The following CRHR2 variants were observed in gnomAD, a reference collection of about 807,000 sequenced individuals.
The protein encoded by CRHR2 is corticotropin-releasing hormone receptor 2.
A neutral mutation model predicts 57.9 loss-of-function variants in CRHR2; 53 were observed. The ratio of observed to expected loss-of-function variants is 0.92; its 90% CI spans 0.73 to 1.15. The LOEUF is 1.15. Ranked by LOEUF, CRHR2 falls within the 50% of genes most tolerant of loss-of-function variation. The pLI is 0.00. For synonymous variants in CRHR2, 213 were observed against 220.9 expected (o/e 0.96, Z 0.32); for missense variants, 532 against 542.6 (o/e 0.98, Z 0.19).
In CRHR2 at chr7:30,682,301, G is replaced by C. The variant is rs949159774; in HGVS notation, c.-21C>G. 1 of 1,545,498 alleles carries C rather than the reference G, an allele frequency of 6.5e-7. No individual in the cohort carries two copies. Among genetic ancestry groups the C allele is most frequent in the Admixed American group, 1.9e-5 (1 of 53,498 alleles). On this transcript the variant is annotated 5_prime_UTR_variant, in exon 1 of 12. Coordinates refer to ENST00000471646, the MANE Select transcript of CRHR2 (RefSeq NM_001883.5). ...TCCATCGCGTCCCGCAGCCGCGTGC[G>C]GAGAGGGAGTGGGAGTGCGCGCCCG...
In CRHR2 at chr7:30,660,422, C is replaced by T. The variant is rs969133056; in HGVS notation, c.831+151G>A. The T allele has an allele frequency of 6.7e-6, 5 of 744,512 alleles. No individual in the cohort carries two copies. The East Asian group carries it at 1.1e-4, about 16-fold the overall frequency. The allele number at this position is 744,512 out of a possible 1,614,324, so 46.1% of individuals were successfully genotyped here. A position where few individuals can be genotyped will look rare whatever the true frequency, so the allele number is the denominator to read the frequency against. Reference sequence around the variant, plus strand: ...AAGGGAAGGCCGGGTGGTGCTGGGGCACAGGGTGGCATGGACAGGGTACGG... The same window carrying T: ...AAGGGAAGGCCGGGTGGTGCTGGGGTACAGGGTGGCATGGACAGGGTACGG... On this transcript the variant is annotated intron_variant, in intron 8 of 11. Transcript: ENST00000471646.
In CRHR2 at chr7:30,682,256, G is replaced by A; in HGVS notation, c.25C>T (p.Leu9=). Residue 9 remains leucine (L), a synonymous_variant, in exon 1 of 12, where the codon CTG becomes TTG. Coordinates refer to ENST00000471646, the MANE Select transcript of CRHR2 (RefSeq NM_001883.5). ...GCCAGGCTGCAGTTGGCCTCCAGCA[G>A]GCTGTGGAGCAGTGCCGCGTCCATC... MDAALLHS[L]LEANCSLALA... is the part of the protein sequence containing the mutation. The A allele has an allele frequency of 3.2e-6, 5 of 1,586,866 alleles. No individual in the cohort carries two copies. Among genetic ancestry groups the A allele is most frequent in the Non-Finnish European group, 4.3e-6 (5 of 1,173,522 alleles).
chr7:30,657,900 C>G (rs1276509215), intron 8 of CRHR2, among the ~76,000 whole-genome samples: 1 of 152,194 alleles, frequency 6.6e-6, no homozygotes, highest in Non-Finnish European at 1.5e-5. Context: ...ACCCATCCAT[C>G]TACCCATCCA....
Position 30,653,750 on chromosome 7 carries a change from T to C in CRHR2, c.1096-150A>G, listed in dbSNP as rs573398124. On this transcript the variant is annotated intron_variant, in intron 11 of 11. Coordinates refer to ENST00000471646, the MANE Select transcript of CRHR2 (RefSeq NM_001883.5). The surrounding 1 kb of genome is among the most constrained non-coding windows in gnomAD (Gnocchi z 5.0). ...TCCAAAACAGGTCCTTCCCTGATGCTGTTGCCTCTCTCCAGGGGCCTCTTC... is the reference window on the plus strand; with the variant it reads ...TCCAAAACAGGTCCTTCCCTGATGCCGTTGCCTCTCTCCAGGGGCCTCTTC... 1 of 938,454 alleles carries C rather than the reference T, an allele frequency of 1.1e-6. No individual in the cohort carries two copies. Among genetic ancestry groups the C allele is most frequent in the Admixed American group, 3.0e-5 (1 of 33,088 alleles). The allele number at this position is 938,454 out of a possible 1,614,324, so 58.1% of individuals were successfully genotyped here.
chr7:30,684,431 A>G (rs1390076371), upstream of CRHR2, among the ~76,000 whole-genome samples: 4 of 152,192 alleles, frequency 2.6e-5, no homozygotes, highest in Admixed American at 6.5e-5. Flanking sequence ...TGCCTAAAGC[A>G]CCTATAGATG....
intron 2 of CRHR2, chr7:30,688,788 C>T (rs978712290): frequency 4.8e-5 from 22 of 457,806 alleles, no homozygotes; most frequent in Admixed American, 1.6e-4. Context: ...AACTCAGGGC[C>T]GGGCTGCTGC....
chr7:30,691,819 G>A (rs1562811850), intron 1 of CRHR2, among the ~76,000 whole-genome samples: 1 of 152,204 alleles, frequency 6.6e-6, no homozygotes, highest in African/African-American at 2.4e-5. Flanking sequence ...TACCATGCAG[G>A]TGTCAATTTT....
chr7:30,662,924 C>T (rs980945813), intron 5 of CRHR2, 77 bp from the exon 6 acceptor site: 1 of 1,544,454 alleles, frequency 6.5e-7, no homozygotes, highest in Non-Finnish European at 8.8e-7. Context: ...GGCAGGGCAA[C>T]AAGACACAGG....
chr7:30,656,117 C>G lies in CRHR2; in HGVS notation c.832-105G>C. ...CCGCAGACCCCTGGAAACCGATGTC[C>G]CACGCACACACCTATCCTACCTGTC... On this transcript the variant is annotated intron_variant, in intron 8 of 11. Coordinates refer to ENST00000471646, the MANE Select transcript of CRHR2 (RefSeq NM_001883.5). This position sits in a 1 kb window ranked among gnomAD's most constrained non-coding sequence, Gnocchi z 4.4. 1.0e-6 allele frequency: 1 copy of G among 995,104 alleles called. No individual in the cohort carries two copies. Among genetic ancestry groups the G allele is most frequent in the Non-Finnish European group, 1.6e-6 (1 of 638,866 alleles). 61.6% of individuals were successfully genotyped at this position (995,104 alleles called of 1,614,324 possible).
At chr7:30,671,968 G>C (rs1377388362) in intron 2 of CRHR2, among the ~76,000 whole-genome samples, 16 of 152,158 alleles carry the variant, frequency 1.1e-4, no homozygotes, top group Admixed American at 1.0e-3. Context: ...GGTGGGGAGG[G>C]CCAGAAGCAA....
chr7:30,689,209 T>A, exon 2 of CRHR2: 1 of 1,550,036 alleles, frequency 6.5e-7, no homozygotes, highest in Middle Eastern at 1.7e-4. Context: ...TTGGTGAGGG[T>A]CATGATGGTG....
At chr7:30,680,519 T>C (rs1397636018) in intron 2 of CRHR2, among the ~76,000 whole-genome samples, 1 of 152,150 alleles carries the variant, frequency 6.6e-6, no homozygotes, top group Non-Finnish European at 1.5e-5. Context: ...GGCATGCTGA[T>C]CTCCATTGCC....
rs763883511 is a variant in CRHR2 at position 30,662,142 on chromosome 7, G to T, written c.758+14C>A. ...CCTTCCCCATGACCCCCCATGGCTG[G>T]CCCATCCACTTACTGTTCATTCTCA... On this transcript the variant is annotated intron_variant, in intron 7 of 11. Transcript: ENST00000471646. 43 of 1,613,720 alleles carry T rather than the reference G, an allele frequency of 2.7e-5. No individual in the cohort carries two copies. The East Asian group carries it at 3.1e-4, about 12-fold the overall frequency.
At chr7:30,662,597 C>A in intron 6 of CRHR2, 97 bp downstream of exon 6, 1 of 1,454,640 alleles carries the variant, frequency 6.9e-7, no homozygotes. Context: ...GGGTGGAGGG[C>A]AGGGCCAGGC....
chr7:30,672,932 C>T (rs1048340218), intron 2 of CRHR2, among the ~76,000 whole-genome samples: 5 of 152,230 alleles, frequency 3.3e-5, no homozygotes, highest in Non-Finnish European at 5.9e-5. Flanking sequence ...CCTTGGGACA[C>T]GCTTCCTCAC....
chr7:30,665,264 G>T lies in CRHR2; in HGVS notation c.426-77C>A. On this transcript the variant is annotated intron_variant, in intron 4 of 11. Coordinates refer to ENST00000471646, the MANE Select transcript of CRHR2 (RefSeq NM_001883.5). This position sits in a 1 kb window ranked among gnomAD's most constrained non-coding sequence, Gnocchi z 4.5. ...TGGGTTCCCCCTGAGGCCAGGTAGA[G>T]ACTCAGCCTGGGATGAGGGCAGGGC... 1 of 1,290,130 alleles carries T rather than the reference G, an allele frequency of 7.8e-7. No homozygotes were observed. The allele number at this position is 1,290,130 out of a possible 1,614,324, so 79.9% of individuals were successfully genotyped here.
At chr7:30,660,200 G>A (rs564239088) in intron 8 of CRHR2, among the ~76,000 whole-genome samples, 6 of 152,302 alleles carry the variant, frequency 3.9e-5, no homozygotes, top group African/African-American at 1.2e-4. Flanking sequence ...TGAGGGGAAC[G>A]TAGGTCTGGA....
At chr7:30,693,444 G>A (rs567434262) in intron 1 of CRHR2, among the ~76,000 whole-genome samples, 20 of 152,302 alleles carry the variant, frequency 1.3e-4, no homozygotes, top group African/African-American at 2.9e-4. Flanking sequence ...CTGGTGGTGC[G>A]GGGAGGGTGG....
intron 1 of CRHR2, chr7:30,689,426 C>T: frequency 1.4e-6 from 1 of 720,988 alleles, no homozygotes; most frequent in Admixed American, 2.2e-5. Context: ...ATGCCCATGG[C>T]CACATGGAGC....
Sources: gnomAD v4.1 joint callset for allele counts (sites outside exome capture counted in the v4.1 genomes callset) on GRCh38, gnomAD v4.1.1 for gene constraint, Gnocchi (gnomAD v3.1) non-coding constraint, MANE v1.5 for transcripts, NCBI Gene and HGNC (gene_info 2026-07-23, HGNC 2026-07-21) for gene names.